The following BDP1 variants were observed in gnomAD, a reference collection of about 807,000 sequenced individuals.
BDP1 encodes the protein BDP1 general transcription factor IIIB subunit.
Under a neutral mutation model 266.6 loss-of-function variants are expected in BDP1, and 169 were observed. The observed-to-expected ratio is 0.63, with a 90% CI of 0.56 to 0.72. BDP1 has a LOEUF of 0.72. Ranked by LOEUF, BDP1 falls within the 30% of genes least tolerant of loss-of-function variation. The probability of loss-of-function intolerance (pLI) is 0.00; values close to 1 mark genes in which losing one functional copy is unlikely to be tolerated. For synonymous variants in BDP1, 1,090 were observed against 1,022.4 expected, an observed-to-expected ratio of 1.07 and a Z score of -1.26; for missense variants, 3,015 against 3,053.8, an observed-to-expected ratio of 0.99 and a Z score of 0.30.
chr5:71,557,375 ATTTTTTTTTT>A (rs55810132), intron 36 of BDP1, among the ~76,000 whole-genome samples: 34 of 103,350 alleles, frequency 3.3e-4, no homozygotes, highest in African/African-American at 1.3e-3. Context: ...TGCCAAGCTA[ATTTTTTTTTT>A]TTTTTTTTTT....
chr5:71,504,779 C>G (rs753612435), intron 16 of BDP1, 28 bp downstream of exon 16: 8 of 1,600,998 alleles, frequency 5.0e-6, no homozygotes, highest in Non-Finnish European at 6.8e-6. Context: ...GATATATAAT[C>G]TTTGGATTTT....
intron 7 of BDP1, among the ~76,000 whole-genome samples, chr5:71,480,033 C>T (rs1386160149): frequency 6.6e-6 from 1 of 152,084 alleles, no homozygotes; most frequent in Non-Finnish European, 1.5e-5. Context: ...CAACCTCCGC[C>T]TCCCAGGTTC....
rs201540045 is a variant in BDP1 at position 71,515,143 on chromosome 5, A to G, written c.4649+21A>G. The G allele has an allele frequency of 5.8e-5, 90 of 1,539,944 alleles. No homozygotes were observed. The African/African-American group carries it at 1.2e-3, about 20-fold the overall frequency. ...GTGGGGTAAACAGTGATTTTCTTTG[A>G]CAATATAAAATAAGAGAGATACTTC... On this transcript the variant is annotated intron_variant, in intron 20 of 38. Coordinates refer to ENST00000358731, the MANE Select transcript of BDP1 (RefSeq NM_018429.3).
In BDP1 at chr5:71,504,669, G is replaced by C; in HGVS notation, c.2290G>C (p.Asp764His). 6.2e-7 allele frequency: 1 copy of C among 1,613,632 alleles called. No homozygotes were observed. ...DQSRKDFEEEDVILQPEKNDS... is the reference protein window; with the variant it reads ...DQSRKDFEEEHVILQPEKNDS... The stretch of plus-strand genomic sequence containing the variant: ...ATCGCGTAAAGATTTTGAAGAGGAA[G>C]ATGTCATATTACAGCCTGAGAAAAA... Residue 764 changes from aspartate to histidine, a missense_variant, in exon 16 of 39, where the codon GAT becomes CAT. Asp to His is a moderately conservative substitution (Grantham distance 81, BLOSUM62 -1). Around this residue, in one of 3 missense-constraint regions of BDP1, gnomAD observed 2,383 missense variants for 2,404.9 expected, o/e 0.99. Transcript: ENST00000358731.
chr5:71,522,734 C>G, intron 23 of BDP1, 22 bp from the exon 24 acceptor site: 2 of 1,570,896 alleles, frequency 1.3e-6, no homozygotes, highest in Non-Finnish European at 1.7e-6. Flanking sequence ...GTAATACTAG[C>G]TAATTTCTTC....
At chr5:71,496,426 A>G (rs1362957577) in intron 12 of BDP1, among the ~76,000 whole-genome samples, 1 of 143,308 alleles carries the variant, frequency 7.0e-6, no homozygotes, top group Non-Finnish European at 1.5e-5. Flanking sequence ...ATACACATTT[A>G]AACATTTATG....
At chr5:71,555,028 G>A (rs1561787202) in intron 35 of BDP1, among the ~76,000 whole-genome samples, 1 of 152,078 alleles carries the variant, frequency 6.6e-6, no homozygotes, top group Admixed American at 6.6e-5. Context: ...GGGATGCTCA[G>A]CCTGTACAAA....
At chr5:71,577,009 T>G in the BDP1 span, among the ~76,000 whole-genome samples, 2 of 152,234 alleles carry the variant, frequency 1.3e-5, no homozygotes, top group African/African-American at 4.8e-5. Flanking sequence ...TTTTTAATCC[T>G]TATGTGTTTT....
chr5:71,475,244 A>T (rs947479779), intron 7 of BDP1, among the ~76,000 whole-genome samples: 2 of 152,024 alleles, frequency 1.3e-5, no homozygotes, highest in African/African-American at 4.8e-5. Flanking sequence ...GGTAGCTGGG[A>T]CTACAGGCAC....
chr5:71,521,291 GTTT>G (rs1206948176), intron 22 of BDP1, among the ~76,000 whole-genome samples: 4 of 133,538 alleles, frequency 3.0e-5, no homozygotes, highest in Non-Finnish European at 4.9e-5. Context: ...GTTTATATTA[GTTT>G]TTTTTTTTTT....
chr5:71,577,074 C>A, the BDP1 span, among the ~76,000 whole-genome samples: 3 of 152,314 alleles, frequency 2.0e-5, no homozygotes, highest in Admixed American at 2.0e-4. Flanking sequence ...ACCTGTAAAT[C>A]TTGCCAGTTA....
Position 71,544,328 on chromosome 5 carries a change from C to T in BDP1, c.6413-29C>T, listed in dbSNP as rs1374561311. 5 of 1,593,674 alleles carry T rather than the reference C, an allele frequency of 3.1e-6. No homozygotes were observed. The African/African-American group carries it at 5.4e-5, about 17-fold the overall frequency. On this transcript the variant is annotated intron_variant, in intron 30 of 38. Transcript: ENST00000358731. ...GGGATTTTAGCTGTATTATTTTGGT[C>T]TATATCGTAAGTGTGCTTTTTGTTT...
chr5:71,464,598 G>A (rs530194227), intron 4 of BDP1, among the ~76,000 whole-genome samples: 7 of 152,044 alleles, frequency 4.6e-5, no homozygotes, highest in African/African-American at 1.7e-4. Flanking sequence ...CTGGAGTGCA[G>A]TGGTGTGAAC....
Position 71,458,624 on chromosome 5 carries a change from A to G in BDP1, c.258A>G (p.Arg86=). 3 of 1,613,156 alleles carry G rather than the reference A, an allele frequency of 1.9e-6. No individual in the cohort carries two copies. Among genetic ancestry groups the G allele is most frequent in the Non-Finnish European group, 2.5e-6 (3 of 1,179,124 alleles). The part of the protein sequence containing the change: ...GGDNDVEESS[R]SSSTVSQRRK... ...ACAATGATGTTGAAGAATCCAGTAGATCTTCCTCTACTGTTTCACAGAGAA... is the reference window on the plus strand; with the variant it reads ...ACAATGATGTTGAAGAATCCAGTAGGTCTTCCTCTACTGTTTCACAGAGAA... Residue 86 remains arginine, a synonymous_variant, in exon 2 of 39, where the codon AGA becomes AGG. Coordinates refer to ENST00000358731, the MANE Select transcript of BDP1 (RefSeq NM_018429.3).
At chr5:71,553,490 T>A (rs1462287148) in intron 35 of BDP1, among the ~76,000 whole-genome samples, 170 bp downstream of exon 35, 1 of 152,220 alleles carries the variant, frequency 6.6e-6, no homozygotes, top group Non-Finnish European at 1.5e-5. Flanking sequence ...TTTTGGATTA[T>A]CACTTTTAAC....
intron 17 of BDP1, 136 bp downstream of exon 17, chr5:71,511,287 G>T: frequency 1.2e-6 from 1 of 829,032 alleles, no homozygotes; most frequent in Non-Finnish European, 1.9e-6. Flanking sequence ...GTAGCCCTAA[G>T]TTTCTATGTT....
At chr5:71,547,466 T>G (rs1224891803) in intron 32 of BDP1, among the ~76,000 whole-genome samples, 6 of 152,220 alleles carry the variant, frequency 3.9e-5, no homozygotes, top group Admixed American at 3.9e-4. Flanking sequence ...TTATTGGTGA[T>G]GCTGACTGAT....
chr5:71,517,656 A>G (rs1382721106), intron 22 of BDP1, among the ~76,000 whole-genome samples: 1 of 152,192 alleles, frequency 6.6e-6, no homozygotes, highest in African/African-American at 2.4e-5. Context: ...TAAGTATATG[A>G]TATTCCCTTA....
Position 71,548,681 on chromosome 5 carries a change from G to A in BDP1, c.6745-1G>A. 6.3e-7 allele frequency: 1 copy of A among 1,599,732 alleles called. No individual in the cohort carries two copies. The highest frequency in any genetic ancestry group is 8.6e-7 in the Non-Finnish European group (1 of 1,168,280). On this transcript the variant is annotated splice_acceptor_variant, in intron 32 of 38. Transcript: ENST00000358731. LOFTEE classifies it high-confidence loss of function. ...TCTTTCATTTTAATTTTTTATGGCAGTATACACCAACAAGTATTCCAGAAG... is the reference window on the plus strand; with the variant it reads ...TCTTTCATTTTAATTTTTTATGGCAATATACACCAACAAGTATTCCAGAAG...
Sources: gnomAD v4.1 joint callset for allele counts (sites outside exome capture counted in the v4.1 genomes callset) on GRCh38, gnomAD v4.1.1 for gene constraint, gnomAD v4.1.1 regional missense constraint, MANE v1.5 for transcripts, NCBI Gene and HGNC (gene_info 2026-07-23, HGNC 2026-07-21) for gene names.